The following PRKN variants were observed in gnomAD, a reference collection of about 807,000 sequenced individuals.
PRKN encodes the protein E3 ubiquitin-protein ligase parkin.
In PRKN, 56 loss-of-function variants were observed where a neutral mutation model predicts 59.5. The observed-to-expected ratio is 0.94, with a 90% CI of 0.76 to 1.18. PRKN has a LOEUF of 1.18. Ranked by LOEUF, PRKN falls within the 50% of genes most tolerant of loss-of-function variation. The pLI is 0.00. For missense variants in PRKN, 657 were observed against 596.4 expected (o/e 1.10, Z -1.06); for synonymous variants, 250 against 222.1 (o/e 1.13, Z -1.12).
rs1354870875 is a variant in PRKN at position 162,727,765 on chromosome 6, C to G, written c.-97G>C. On this transcript the variant is annotated 5_prime_UTR_variant, in exon 1 of 12. Transcript: ENST00000366898. ...ACCAGCGGCTCTCCTGGGTTAAATC[C>G]TCCAGGCCTCCCCGCCCCCGCGCCC... 2.3e-6 allele frequency: 3 copies of G among 1,279,822 alleles called. No homozygotes were observed. Among genetic ancestry groups the G allele is most frequent in the South Asian group, 1.3e-5 (1 of 78,506 alleles). The allele number at this position is 1,279,822 out of a possible 1,614,324, so 79.3% of individuals were successfully genotyped here. A position where few individuals can be genotyped will look rare whatever the true frequency, so the allele number is the denominator to read the frequency against.
In PRKN at chr6:161,389,814, A is replaced by G. The variant is rs560590483; in HGVS notation, c.1084-2937T>C. Among the ~76,000 whole-genome samples, 4 of 152,346 alleles carry G rather than the reference A, an allele frequency of 2.6e-5. No homozygotes were observed. In the South Asian group the frequency reaches 8.3e-4, roughly 32 times the overall value. On this transcript the variant is annotated intron_variant, in intron 9 of 11. Coordinates refer to ENST00000366898, the MANE Select transcript of PRKN (RefSeq NM_004562.3). ...TCTTATTAGCTCGTGGATGAGATATAAAATCAGTTTCATGGTAGAGGAACA... is the reference window on the plus strand; with the variant it reads ...TCTTATTAGCTCGTGGATGAGATATGAAATCAGTTTCATGGTAGAGGAACA...
chr6:161,696,232 C>T (rs945599789), intron 7 of PRKN, among the ~76,000 whole-genome samples: 1 of 152,068 alleles, frequency 6.6e-6, no homozygotes, highest in Non-Finnish European at 1.5e-5. Context: ...GTTAAGAGAC[C>T]CCATTCTTCA....
chr6:161,766,777 G>A (rs1330776800), intron 7 of PRKN, among the ~76,000 whole-genome samples: 3 of 152,134 alleles, frequency 2.0e-5, no homozygotes, highest in African/African-American at 7.2e-5. Context: ...TAAATAGTAA[G>A]ACTTGGTTTA....
At chr6:161,731,628 C>G (rs73783368) in intron 7 of PRKN, among the ~76,000 whole-genome samples, 5,352 of 152,014 alleles carry the variant, frequency 0.035, 318 homozygotes, top group African/African-American at 0.12. Flanking sequence ...CTGAATGATC[C>G]CCCACATTTC....
chr6:162,364,529 A>T (rs1486922629), intron 2 of PRKN, among the ~76,000 whole-genome samples: 2 of 152,204 alleles, frequency 1.3e-5, no homozygotes, highest in Admixed American at 1.3e-4. Context: ...GGCAAGTGGG[A>T]GGTCAGAAGA....
intron 6 of PRKN, among the ~76,000 whole-genome samples, chr6:161,879,104 T>G (rs1247501889): frequency 6.6e-6 from 1 of 152,134 alleles, no homozygotes; most frequent in African/African-American, 2.4e-5. Context: ...TTCTATATTT[T>G]CACAGCTCCC....
At chr6:162,568,548 C>G in intron 1 of PRKN, 1 of 787,772 alleles carries the variant, frequency 1.3e-6, no homozygotes, top group South Asian at 1.4e-5. Flanking sequence ...GGAGGTGGAC[C>G]CCAACATCCA....
chr6:162,689,656 A>C (rs191951534), intron 1 of PRKN, among the ~76,000 whole-genome samples: 45 of 152,330 alleles, frequency 3.0e-4, no homozygotes, highest in African/African-American at 9.1e-4. Flanking sequence ...TTAATGATTG[A>C]AAACAAGTCT....
intron 9 of PRKN, among the ~76,000 whole-genome samples, chr6:161,540,135 TCTCA>T (rs1779567204): frequency 6.6e-6 from 1 of 152,176 alleles, no homozygotes; most frequent in Admixed American, 6.5e-5. Context: ...TTAGGATTGT[TCTCA>T]CTGTTTGCAG....
intron 2 of PRKN, among the ~76,000 whole-genome samples, chr6:162,303,440 GA>G: frequency 6.6e-6 from 1 of 152,278 alleles, no homozygotes; most frequent in East Asian, 1.9e-4. Flanking sequence ...TTATGAAGAA[GA>G]ATTCCTCTCC....
Position 161,360,740 on chromosome 6 carries a change from G to A in PRKN, c.1168-535C>T, listed in dbSNP as rs1784944806. Among the ~76,000 whole-genome samples the A allele has an allele frequency of 6.6e-6, 1 of 152,168 alleles. No individual in the cohort carries two copies. Reference sequence around the variant, plus strand: ...GAACTCCAAATGTTGTCACAGAAGGGACAGGAGCAAGAACAGGAAATGAAG... The same window carrying A: ...GAACTCCAAATGTTGTCACAGAAGGAACAGGAGCAAGAACAGGAAATGAAG... On this transcript the variant is annotated intron_variant, in intron 10 of 11. Coordinates refer to ENST00000366898, the MANE Select transcript of PRKN (RefSeq NM_004562.3). The surrounding 1 kb of genome is among the most constrained non-coding windows in gnomAD (Gnocchi z 5.1).
At chr6:161,978,016 G>GTATTTTATTTTATTTTATTTTATTT (rs141793186) in intron 5 of PRKN, among the ~76,000 whole-genome samples, 86 of 148,596 alleles carry the variant, frequency 5.8e-4, no homozygotes, top group African/African-American at 2.1e-3. Context: ...TTATTTTATT[G>GTATTTTATTTTATTTTATTTTATTT]TATTTTATTT....
chr6:162,579,342 G>A (rs1414887138), intron 1 of PRKN, among the ~76,000 whole-genome samples: 1 of 152,044 alleles, frequency 6.6e-6, no homozygotes, highest in Non-Finnish European at 1.5e-5. Context: ...CTTATCTCTA[G>A]AGACTCCTAA....
At chr6:162,165,635 G>A (rs116530352) in intron 4 of PRKN, among the ~76,000 whole-genome samples, 2,273 of 149,214 alleles carry the variant, frequency 0.015, 270 homozygotes, top group African/African-American at 0.052. Flanking sequence ...CATCCGAGGC[G>A]GCGGAGCCAC....
At chr6:161,950,334 C>G (rs891183643) in intron 6 of PRKN, among the ~76,000 whole-genome samples, 13 of 152,096 alleles carry the variant, frequency 8.5e-5, no homozygotes, top group African/African-American at 3.1e-4. Flanking sequence ...CTCCTGAGGT[C>G]AGGAGTTCAA....
intron 6 of PRKN, among the ~76,000 whole-genome samples, chr6:161,957,604 T>C (rs1429921284): frequency 1.3e-5 from 2 of 152,104 alleles, no homozygotes; most frequent in Admixed American, 1.3e-4. Context: ...TCTGTATTTT[T>C]AGTAGAGACG....
intron 1 of PRKN, among the ~76,000 whole-genome samples, chr6:162,472,804 T>TTATATATATATATATATA: frequency 3.9e-4 from 37 of 93,824 alleles, no homozygotes; most frequent in African/African-American, 1.0e-3. Flanking sequence ...AACTTTTATT[T>TTATATATATATATATATA]TATATATATA....
intron 9 of PRKN, among the ~76,000 whole-genome samples, chr6:161,516,265 T>C (rs1347276916): frequency 6.6e-6 from 1 of 151,414 alleles, no homozygotes; most frequent in Non-Finnish European, 1.5e-5. Flanking sequence ...CTGTCCGACA[T>C]GGTGAAACCC....
intron 4 of PRKN, among the ~76,000 whole-genome samples, chr6:162,078,680 G>A (rs1001279303): frequency 2.0e-5 from 3 of 152,010 alleles, no homozygotes; most frequent in Non-Finnish European, 2.9e-5. Flanking sequence ...CTAAGCAAAG[G>A]AGAGCTGTAT....
Sources: gnomAD v4.1 joint callset for allele counts (sites outside exome capture counted in the v4.1 genomes callset) on GRCh38, gnomAD v4.1.1 for gene constraint, Gnocchi (gnomAD v3.1) non-coding constraint, MANE v1.5 for transcripts, NCBI Gene and HGNC (gene_info 2026-07-23, HGNC 2026-07-21) for gene names.